Variants in CCSER1 observed in about 807,000 individuals in gnomAD.
CCSER1 encodes coiled-coil serine rich protein 1.
A neutral mutation model predicts 82.0 loss-of-function variants in CCSER1; 41 were observed. The ratio of observed to expected loss-of-function variants is 0.50; its 90% CI spans 0.39 to 0.65. CCSER1 has a LOEUF of 0.65. Ranked by LOEUF, CCSER1 falls within the 30% of genes least tolerant of loss-of-function variation. The pLI, the probability that CCSER1 is intolerant of heterozygous loss-of-function variation, is 0.00. For missense variants in CCSER1, 1,119 were observed against 1,064.2 expected, an observed-to-expected ratio of 1.05 and a Z score of -0.72; for synonymous variants, 414 against 383.9, an observed-to-expected ratio of 1.08 and a Z score of -0.92.
At position 91,179,389 on chromosome 4, in the gene CCSER1, A is replaced by T. The variant is rs187967404; in HGVS notation, c.2217+93395A>T. ...GGAAGTTCTCATGGATAATATCCTG[A>T]AGAGTGTTTTCCAACTTGGTTCCAT... On this transcript the variant is annotated intron_variant, in intron 10 of 10. Transcript: ENST00000509176. Among the ~76,000 whole-genome samples, 43 of 152,304 alleles carry T rather than the reference A, an allele frequency of 2.8e-4. 1 individual carries two copies. The South Asian group carries it at 8.7e-3, about 31-fold the overall frequency.
Position 90,282,881 on chromosome 4 carries a change from C to T in CCSER1, c.-41-25363C>T, listed in dbSNP as rs187458681. 2.0e-4 allele frequency among the ~76,000 whole-genome samples: 30 copies of T among 151,938 alleles called. 1 individual carries two copies. Among genetic ancestry groups the T allele is most frequent in the Admixed American group, 1.5e-3 (23 of 15,216 alleles). ...ACTCTGTTCAATCTACTCTTAGATC[C>T]GTTTGATGCTGATGAGAGTTTTCTA... On this transcript the variant is annotated intron_variant, in intron 1 of 10. Transcript: ENST00000509176.
At position 91,461,059 on chromosome 4, in the gene CCSER1, A is replaced by G. The variant is rs1380255238; in HGVS notation, c.2218-137513A>G. ...ATGGAAACACATACCACTCTGAGGT[A>G]GGTAAATCTCTTTTGAGTTCTCTCA... On this transcript the variant is annotated intron_variant, in intron 10 of 10. Coordinates refer to ENST00000509176, the MANE Select transcript of CCSER1 (RefSeq NM_001145065.2). 2.6e-5 allele frequency among the ~76,000 whole-genome samples: 4 copies of G among 152,200 alleles called. No homozygotes were observed. In the East Asian group the frequency reaches 7.7e-4, roughly 29 times the overall value.
intron 8 of CCSER1, among the ~76,000 whole-genome samples, chr4:90,921,856 T>G (rs1038877962): frequency 6.6e-6 from 1 of 152,100 alleles, no homozygotes; most frequent in African/African-American, 2.4e-5. Context: ...CAAACTTTTG[T>G]AAATAACCTT....
intron 10 of CCSER1, among the ~76,000 whole-genome samples, chr4:91,223,741 G>A (rs1737933318): frequency 6.6e-6 from 1 of 151,970 alleles, no homozygotes; most frequent in South Asian, 2.1e-4. Context: ...CAAAGAGTTT[G>A]GATTTCATTA....
chr4:90,189,747 C>T (rs1342195429), intron 1 of CCSER1, among the ~76,000 whole-genome samples: 1 of 151,826 alleles, frequency 6.6e-6, no homozygotes, highest in African/African-American at 2.4e-5. Context: ...AGCTCTTAAA[C>T]GTTTAGTTTC....
intron 5 of CCSER1, among the ~76,000 whole-genome samples, chr4:90,563,939 C>G (rs1025892086): frequency 3.9e-5 from 6 of 152,062 alleles, no homozygotes; most frequent in African/African-American, 7.2e-5. Flanking sequence ...ACATCTTTAC[C>G]AACTCCTTTT....
chr4:90,257,001 C>G (rs924409816), intron 1 of CCSER1, among the ~76,000 whole-genome samples: 2 of 151,780 alleles, frequency 1.3e-5, no homozygotes, highest in African/African-American at 4.8e-5. Flanking sequence ...TTATGACATT[C>G]CGTACTATCT....
intron 5 of CCSER1, among the ~76,000 whole-genome samples, chr4:90,600,027 A>G (rs1290189389): frequency 2.0e-5 from 3 of 152,202 alleles, no homozygotes; most frequent in Non-Finnish European, 4.4e-5. Flanking sequence ...GTTCTTATGT[A>G]CTGCAGTGTG....
At chr4:90,708,049 A>T (rs1739744518) in intron 6 of CCSER1, among the ~76,000 whole-genome samples, 1 of 152,146 alleles carries the variant, frequency 6.6e-6, no homozygotes, top group Non-Finnish European at 1.5e-5. Context: ...GTTCAAGGTC[A>T]ACCAGCAGCA....
chr4:90,876,839 T>C (rs1767272140), intron 8 of CCSER1, among the ~76,000 whole-genome samples: 1 of 152,150 alleles, frequency 6.6e-6, no homozygotes, highest in Non-Finnish European at 1.5e-5. Flanking sequence ...CCTTCCTTTA[T>C]TGATGTATCT....
In CCSER1 at chr4:90,430,614, T is replaced by C. The variant is rs1395231818; in HGVS notation, c.1603+30485T>C. Among the ~76,000 whole-genome samples the C allele has an allele frequency of 2.0e-5, 3 of 151,930 alleles. No homozygotes were observed. In the East Asian group the frequency reaches 5.8e-4, roughly 29 times the overall value. ...CTGGTTAATGTTTCAGGAATGTCAGTGCTTCAAAAGTATAACAAAACTTTA... is the reference window on the plus strand; with the variant it reads ...CTGGTTAATGTTTCAGGAATGTCAGCGCTTCAAAAGTATAACAAAACTTTA... On this transcript the variant is annotated intron_variant, in intron 4 of 10. Transcript: ENST00000509176.
chr4:90,753,230 C>T (rs1183251675), intron 7 of CCSER1, among the ~76,000 whole-genome samples: 1 of 151,974 alleles, frequency 6.6e-6, no homozygotes, highest in African/African-American at 2.4e-5. Context: ...TTGTAGATTC[C>T]CCTGTTGCCT....
At chr4:90,623,824 G>A (rs577844018) in intron 5 of CCSER1, among the ~76,000 whole-genome samples, 1 of 152,276 alleles carries the variant, frequency 6.6e-6, no homozygotes, top group East Asian at 1.9e-4. Flanking sequence ...ATAATCAACA[G>A]CCTTTTTGTA....
intron 10 of CCSER1, among the ~76,000 whole-genome samples, chr4:91,298,369 C>T (rs1744386027): frequency 6.6e-6 from 1 of 151,952 alleles, no homozygotes; most frequent in Non-Finnish European, 1.5e-5. Flanking sequence ...CTCAAATGAC[C>T]ACATAGCAGA....
chr4:90,405,162 A>G (rs1753533512), intron 4 of CCSER1, among the ~76,000 whole-genome samples: 1 of 152,100 alleles, frequency 6.6e-6, no homozygotes, highest in Admixed American at 6.6e-5. Flanking sequence ...GATAGCATAA[A>G]TAAAAAATAA....
At chr4:90,969,132 A>G (rs1386478559) in intron 9 of CCSER1, among the ~76,000 whole-genome samples, 1 of 151,660 alleles carries the variant, frequency 6.6e-6, no homozygotes, top group East Asian at 1.9e-4. Flanking sequence ...AAAGAACACA[A>G]AAGAGTTAAG....
chr4:90,796,965 C>A (rs928953087), intron 7 of CCSER1, among the ~76,000 whole-genome samples: 1 of 151,886 alleles, frequency 6.6e-6, no homozygotes, highest in Non-Finnish European at 1.5e-5. Context: ...ATATTCTGTT[C>A]TTTTGGGGTG....
chr4:90,142,626 CTT>C (rs35514100), intron 1 of CCSER1, among the ~76,000 whole-genome samples: 1 of 145,432 alleles, frequency 6.9e-6, no homozygotes, highest in Non-Finnish European at 1.5e-5. Flanking sequence ...TTATTTACCA[CTT>C]TTTTTTTTTT....
chr4:90,347,126 G>T (rs1416985366), intron 3 of CCSER1, among the ~76,000 whole-genome samples: 1 of 152,018 alleles, frequency 6.6e-6, no homozygotes, highest in Non-Finnish European at 1.5e-5. Flanking sequence ...TTTTCTATAT[G>T]ATTAAGTACA....
Sources: allele counts gnomAD v4.1 joint callset (sites outside exome capture counted in the v4.1 genomes callset), GRCh38; gene constraint gnomAD v4.1.1; transcripts MANE v1.5; gene names NCBI Gene and HGNC (gene_info 2026-07-23, HGNC 2026-07-21).